Variants in CADM2 observed in about 807,000 individuals in gnomAD.
The protein encoded by CADM2 is cell adhesion molecule 2.
CADM2 carries 12 observed loss-of-function variants against 49.8 expected under a neutral mutation model. The ratio of observed to expected loss-of-function variants is 0.24; its 90% CI spans 0.15 to 0.39. The LOEUF (loss-of-function observed/expected upper bound fraction) is 0.39. Among genes scored for constraint, CADM2 ranks in the 10% least tolerant of loss-of-function variants. CADM2 has a pLI of 1.00. For synonymous variants in CADM2, 214 were observed against 175.4 expected (o/e 1.22, Z -1.74); for missense variants, 378 against 492.3 (o/e 0.77, Z 2.20).
intron 1 of CADM2, among the ~76,000 whole-genome samples, chr3:85,294,989 C>A (rs1448745905): frequency 1.3e-5 from 2 of 152,024 alleles, no homozygotes; most frequent in Non-Finnish European, 2.9e-5. Context: ...AAACTACCAT[C>A]AGAGTGAACA....
intron 1 of CADM2, among the ~76,000 whole-genome samples, chr3:85,611,697 C>A (rs1416486686): frequency 8.0e-6 from 1 of 125,564 alleles, no homozygotes; most frequent in African/African-American, 2.7e-5. Flanking sequence ...TATCAACTCA[C>A]CAGAGGAATA....
chr3:85,423,845 T>C (rs375414711), intron 1 of CADM2, among the ~76,000 whole-genome samples: 2 of 152,186 alleles, frequency 1.3e-5, no homozygotes, highest in East Asian at 3.9e-4. Flanking sequence ...TCTACTTAAG[T>C]AGACTTGACA....
intron 1 of CADM2, among the ~76,000 whole-genome samples, chr3:85,142,907 G>A (rs1208162594): frequency 2.0e-5 from 3 of 152,144 alleles, no homozygotes; most frequent in Non-Finnish European, 4.4e-5. Context: ...TAAAGGCAAA[G>A]ATTGTATTTT....
chr3:85,980,960 A>C (rs1234618971), intron 8 of CADM2, among the ~76,000 whole-genome samples: 2 of 151,438 alleles, frequency 1.3e-5, no homozygotes, highest in Non-Finnish European at 3.0e-5. Flanking sequence ...TTATGCCAGG[A>C]CCTAAAATTA....
intron 1 of CADM2, among the ~76,000 whole-genome samples, chr3:85,368,521 A>G (rs1313134337): frequency 2.7e-5 from 4 of 150,474 alleles, no homozygotes; most frequent in African/African-American, 9.7e-5. Context: ...TATATACATG[A>G]ATATTAATAT....
At chr3:85,238,952 T>C (rs1028823425) in intron 1 of CADM2, among the ~76,000 whole-genome samples, 1 of 151,792 alleles carries the variant, frequency 6.6e-6, no homozygotes, top group Non-Finnish European at 1.5e-5. Flanking sequence ...TCTCTTTCCT[T>C]TTAGGTGAGT....
At chr3:85,189,322 GT>G (rs1332321329) in intron 1 of CADM2, among the ~76,000 whole-genome samples, 7 of 148,682 alleles carry the variant, frequency 4.7e-5, no homozygotes, top group Admixed American at 6.7e-5. Flanking sequence ...GAAGTTGCAA[GT>G]TTTTTTTTTA....
At chr3:85,669,227 A>C (rs941695043) in intron 1 of CADM2, among the ~76,000 whole-genome samples, 1 of 152,018 alleles carries the variant, frequency 6.6e-6, no homozygotes, top group Non-Finnish European at 1.5e-5. Context: ...CAAGTAGTTC[A>C]TTTTTTACTT....
At chr3:86,050,004 T>C (rs1000713614) in intron 8 of CADM2, among the ~76,000 whole-genome samples, 12 of 152,146 alleles carry the variant, frequency 7.9e-5, no homozygotes, top group Non-Finnish European at 1.8e-4. Flanking sequence ...TCCCCCAAAC[T>C]TGTAACTTAT....
chr3:85,008,775 A>G (rs2033858138), intron 1 of CADM2, among the ~76,000 whole-genome samples: 1 of 152,148 alleles, frequency 6.6e-6, no homozygotes, highest in Non-Finnish European at 1.5e-5. Flanking sequence ...CCTTGCATAC[A>G]TGGCATGTCA....
chr3:85,507,587 G>C (rs1009398271), intron 1 of CADM2, among the ~76,000 whole-genome samples: 1 of 152,132 alleles, frequency 6.6e-6, no homozygotes, highest in Non-Finnish European at 1.5e-5. Context: ...CACTTTGCAA[G>C]TTTAGCTCCT....
intron 1 of CADM2, among the ~76,000 whole-genome samples, chr3:85,679,356 T>A (rs1308953672): frequency 2.0e-5 from 3 of 152,050 alleles, no homozygotes; most frequent in African/African-American, 7.2e-5. Flanking sequence ...CCAGGGGGAA[T>A]GGACTAGAGT....
intron 1 of CADM2, among the ~76,000 whole-genome samples, chr3:85,030,419 C>A (rs752767841): frequency 6.6e-6 from 1 of 152,178 alleles, no homozygotes; most frequent in Non-Finnish European, 1.5e-5. Context: ...CAAGGACATA[C>A]GACCAGCATA....
At chr3:85,027,520 C>A (rs1190060602) in intron 1 of CADM2, among the ~76,000 whole-genome samples, 3 of 152,074 alleles carry the variant, frequency 2.0e-5, no homozygotes, top group South Asian at 2.1e-4. Flanking sequence ...TAATAAACAT[C>A]TTTTAAACTT....
intron 1 of CADM2, among the ~76,000 whole-genome samples, chr3:85,367,833 A>ATGTG (rs10547677): frequency 1.9e-3 from 281 of 148,108 alleles, no homozygotes; most frequent in African/African-American, 6.6e-3. Context: ...ATACATATAT[A>ATGTG]TGTGTGTGTG....
intron 1 of CADM2, among the ~76,000 whole-genome samples, chr3:85,180,617 G>C (rs1253449588): frequency 6.6e-6 from 1 of 150,882 alleles, no homozygotes; most frequent in African/African-American, 2.4e-5. Flanking sequence ...CTTAATTTAA[G>C]TGTTTAGTTT....
chr3:85,187,674 AATT>A (rs565056516), intron 1 of CADM2, among the ~76,000 whole-genome samples: 3 of 152,106 alleles, frequency 2.0e-5, no homozygotes, highest in Non-Finnish European at 4.4e-5. Context: ...TTTAAAGTAT[AATT>A]ATTGTTTATT....
intron 3 of CADM2, among the ~76,000 whole-genome samples, chr3:85,864,045 G>C (rs2075634159): frequency 6.6e-6 from 1 of 152,116 alleles, no homozygotes; most frequent in African/African-American, 2.4e-5. Flanking sequence ...GTAGAGACTG[G>C]GATCTTAGGA....
At chr3:85,132,626 T>TTTTATATATA (rs1553686672) in intron 1 of CADM2, among the ~76,000 whole-genome samples, 1 of 146,832 alleles carries the variant, frequency 6.8e-6, no homozygotes, top group Non-Finnish European at 1.5e-5. Flanking sequence ...CAAGGATATA[T>TTTTATATATA]TATATATATA....
Sources: allele counts gnomAD v4.1 joint callset (sites outside exome capture counted in the v4.1 genomes callset), GRCh38; gene constraint gnomAD v4.1.1; transcripts MANE v1.5; gene names NCBI Gene and HGNC (gene_info 2026-07-23, HGNC 2026-07-21).